Variants in ARID1B observed in about 807,000 individuals in gnomAD.
ARID1B encodes the protein AT-rich interactive domain-containing protein 1B.
Under a neutral mutation model 212.3 loss-of-function variants are expected in ARID1B, and 30 were observed. The ratio of observed to expected loss-of-function variants is 0.14; its 90% CI spans 0.11 to 0.19. The LOEUF is 0.19. Among genes scored for constraint, ARID1B ranks in the 10% least tolerant of loss-of-function variants. ARID1B has a pLI of 1.00. For synonymous variants in ARID1B, 1,402 were observed against 1,301.7 expected, an observed-to-expected ratio of 1.08 and a Z score of -1.66; for missense variants, 2,891 against 3,204.0, an observed-to-expected ratio of 0.90 and a Z score of 2.36.
At chr6:157,135,188 G>T (rs1788828348) in intron 7 of ARID1B, among the ~76,000 whole-genome samples, 1 of 151,672 alleles carries the variant, frequency 6.6e-6, no homozygotes, top group African/African-American at 2.4e-5. Flanking sequence ...TATCCAAACT[G>T]CTGTGTCTCC....
intron 3 of ARID1B, among the ~76,000 whole-genome samples, chr6:156,934,509 T>G (rs1000590335): frequency 6.6e-6 from 1 of 152,190 alleles, no homozygotes; most frequent in Non-Finnish European, 1.5e-5. Flanking sequence ...TGTTCCCCAC[T>G]GTTGTTTTAT....
In ARID1B at chr6:157,033,631, G is replaced by A. The variant is rs1169367913; in HGVS notation, c.2248-51031G>A. On this transcript the variant is annotated intron_variant, in intron 4 of 19. Coordinates refer to ENST00000636930, the MANE Select transcript of ARID1B (RefSeq NM_001374828.1). ...GATTTGTGTTATTTTTGGTGGAGGT[G>A]GGCCGTAGGGTAATTGGGAAAGAGA... Among the ~76,000 whole-genome samples, 3 of 152,250 alleles carry A rather than the reference G, an allele frequency of 2.0e-5. No homozygotes were observed. The East Asian group carries it at 5.8e-4, about 29-fold the overall frequency.
At chr6:157,111,644 C>T (rs1786932281) in intron 6 of ARID1B, among the ~76,000 whole-genome samples, 1 of 152,146 alleles carries the variant, frequency 6.6e-6, no homozygotes, top group South Asian at 2.1e-4. Context: ...AGTTATTTTA[C>T]ATGTTACAAA....
At chr6:156,969,647 A>G in intron 4 of ARID1B, among the ~76,000 whole-genome samples, 1 of 152,188 alleles carries the variant, frequency 6.6e-6, no homozygotes, top group East Asian at 1.9e-4. Flanking sequence ...ACCACTTTCA[A>G]CCTTATTCCA....
chr6:157,144,895 A>G (rs1562299471), intron 7 of ARID1B, among the ~76,000 whole-genome samples: 1 of 152,226 alleles, frequency 6.6e-6, no homozygotes, highest in African/African-American at 2.4e-5. Flanking sequence ...TTTAACTTGA[A>G]AACAAAGTTT....
chr6:157,044,041 G>A (rs1297330631), intron 4 of ARID1B, among the ~76,000 whole-genome samples: 1 of 152,058 alleles, frequency 6.6e-6, no homozygotes, highest in Non-Finnish European at 1.5e-5. Context: ...CTTACATTCT[G>A]GACACAACAT....
chr6:156,984,338 A>G (rs1306846878), intron 4 of ARID1B, among the ~76,000 whole-genome samples: 2 of 152,168 alleles, frequency 1.3e-5, no homozygotes, highest in Non-Finnish European at 2.9e-5. Flanking sequence ...TAGATGTCTC[A>G]TCAGAATGGA....
chr6:156,840,214 T>A (rs1026158625), intron 2 of ARID1B, among the ~76,000 whole-genome samples: 5 of 152,236 alleles, frequency 3.3e-5, no homozygotes, highest in Admixed American at 3.3e-4. Context: ...TTTCATCTGT[T>A]CTGACCTTTG....
intron 2 of ARID1B, among the ~76,000 whole-genome samples, chr6:156,886,420 C>CCT (rs1562460030): frequency 2.0e-5 from 3 of 152,218 alleles, no homozygotes. Flanking sequence ...AGGCTTCCTT[C>CCT]CTCTATTCAG....
chr6:157,083,005 G>A (rs1410967563), intron 4 of ARID1B, among the ~76,000 whole-genome samples: 1 of 152,084 alleles, frequency 6.6e-6, no homozygotes, highest in Non-Finnish European at 1.5e-5. Context: ...AACTATCCAG[G>A]GTACTAGGAT....
intron 13 of ARID1B, among the ~76,000 whole-genome samples, chr6:157,188,452 C>G (rs919978065): frequency 7.2e-5 from 11 of 152,166 alleles, no homozygotes; most frequent in African/African-American, 2.4e-4. Flanking sequence ...CTGACTCCTT[C>G]CCAGTGTCCT....
In ARID1B at chr6:156,778,769, G is replaced by A; in HGVS notation, c.1089G>A (p.Met363Ile). ...CCGCCGCCGGGGCCCCCGGCAGCAT[G>A]GACCCCCTGCAGAACTCCCACGAAG... ...SAAAAGAPGS[M>I]DPLQNSHEGY... The change falls in exon 1 of 20, where the codon ATG (methionine) becomes ATA (isoleucine). Residue 363 changes from methionine to isoleucine, a missense_variant. Physicochemically the swap from Met to Ile is conservative, Grantham distance 10. Coordinates refer to ENST00000636930, the MANE Select transcript of ARID1B (RefSeq NM_001374828.1). 1.3e-6 allele frequency: 2 copies of A among 1,520,202 alleles called. No individual in the cohort carries two copies. Among genetic ancestry groups the A allele is most frequent in the South Asian group, 2.5e-5 (2 of 81,568 alleles). 94.2% of individuals were successfully genotyped at this position (1,520,202 alleles called of 1,614,324 possible). A position where few individuals can be genotyped will look rare whatever the true frequency, so the allele number is the denominator to read the frequency against.
intron 4 of ARID1B, among the ~76,000 whole-genome samples, chr6:157,062,828 C>T (rs955161904): frequency 1.6e-4 from 25 of 151,608 alleles, no homozygotes; most frequent in Middle Eastern, 6.8e-3. Flanking sequence ...CTCAGCCTCC[C>T]GAGCAGCTGG....
At chr6:157,045,435 TTCTTCTCTAC>T (rs1197343915) in intron 4 of ARID1B, among the ~76,000 whole-genome samples, 1 of 152,222 alleles carries the variant, frequency 6.6e-6, no homozygotes, top group African/African-American at 2.4e-5. Flanking sequence ...TTAACTCTGG[TTCTTCTCTAC>T]TCTTTGCGTC....
intron 4 of ARID1B, 74 bp from the exon 5 acceptor site, chr6:157,084,588 G>A (rs2128461558): frequency 6.5e-7 from 1 of 1,538,154 alleles, no homozygotes; most frequent in South Asian, 1.3e-5. Context: ...ACGTCATTAT[G>A]ATTTTCAAGT....
chr6:157,057,212 G>T (rs1783022802), intron 4 of ARID1B, among the ~76,000 whole-genome samples: 1 of 151,892 alleles, frequency 6.6e-6, no homozygotes, highest in African/African-American at 2.4e-5. Context: ...TAGCCAGGAT[G>T]GTCTCAATCT....
chr6:157,085,343 G>A (rs1013209013), intron 5 of ARID1B, among the ~76,000 whole-genome samples: 6 of 152,136 alleles, frequency 3.9e-5, no homozygotes, highest in Non-Finnish European at 7.3e-5. Flanking sequence ...ATACTTATCA[G>A]TGTCTGATCA....
intron 7 of ARID1B, among the ~76,000 whole-genome samples, chr6:157,134,668 G>A (rs1191931472): frequency 1.3e-5 from 2 of 152,236 alleles, no homozygotes; most frequent in African/African-American, 2.4e-5. Context: ...CAGAGCAGAG[G>A]CAGGACTGTG....
intron 3 of ARID1B, among the ~76,000 whole-genome samples, chr6:156,927,265 G>C (rs1791299824): frequency 6.6e-6 from 1 of 151,610 alleles, no homozygotes; most frequent in South Asian, 2.1e-4. Flanking sequence ...TCTCCTTCTC[G>C]TCCTCTCACT....
Sources: allele counts gnomAD v4.1 joint callset (sites outside exome capture counted in the v4.1 genomes callset), GRCh38; gene constraint gnomAD v4.1.1; transcripts MANE v1.5; gene names NCBI Gene and HGNC (gene_info 2026-07-23, HGNC 2026-07-21).